Variants in SEMA5A observed in about 807,000 individuals in gnomAD.
SEMA5A encodes semaphorin-5A.
Under a neutral mutation model 135.5 loss-of-function variants are expected in SEMA5A, and 55 were observed. The ratio of observed to expected loss-of-function variants is 0.41; its 90% CI spans 0.33 to 0.51. SEMA5A has a LOEUF of 0.51. SEMA5A is among the 20% of genes least tolerant of loss of function. The pLI is 0.37. For synonymous variants in SEMA5A, 580 were observed against 546.5 expected (o/e 1.06, Z -0.85); for missense variants, 1,290 against 1,419.9 (o/e 0.91, Z 1.47).
At chr5:9,365,494 A>T (rs1185469565) in intron 3 of SEMA5A, among the ~76,000 whole-genome samples, 1 of 152,040 alleles carries the variant, frequency 6.6e-6, no homozygotes, top group East Asian at 1.9e-4. Flanking sequence ...TTGCATTCAG[A>T]TAGCTTTTTA....
At chr5:9,066,727 GAT>G in intron 16 of SEMA5A, 81 bp from the exon 17 acceptor site, 1 of 1,233,230 alleles carries the variant, frequency 8.1e-7, no homozygotes, top group Non-Finnish European at 1.2e-6. Context: ...TTTAGGGAAA[GAT>G]AAGGGTCTCT....
intron 8 of SEMA5A, among the ~76,000 whole-genome samples, chr5:9,205,025 C>T (rs973947027): frequency 6.6e-6 from 1 of 152,110 alleles, no homozygotes; most frequent in African/African-American, 2.4e-5. Flanking sequence ...ACTTATCTTC[C>T]ATGAAACTGG....
At chr5:9,172,237 AT>A (rs1028321999) in intron 11 of SEMA5A, among the ~76,000 whole-genome samples, 2 of 152,064 alleles carry the variant, frequency 1.3e-5, no homozygotes, top group Non-Finnish European at 2.9e-5. Flanking sequence ...GCCTAGAGAT[AT>A]TAAAAATGCC....
chr5:9,400,454 A>AAAATGT (rs1756603740), intron 2 of SEMA5A, among the ~76,000 whole-genome samples: 1 of 152,170 alleles, frequency 6.6e-6, no homozygotes, highest in Non-Finnish European at 1.5e-5. Flanking sequence ...GATCTAAAAA[A>AAAATGT]AAATGTAAAA....
intron 1 of SEMA5A, among the ~76,000 whole-genome samples, chr5:9,486,879 T>C (rs1277049802): frequency 6.6e-6 from 1 of 152,076 alleles, no homozygotes; most frequent in Non-Finnish European, 1.5e-5. Context: ...TAAAAGACAA[T>C]AGAGTCATCT....
rs201253805 is a variant in SEMA5A, at chr5:9,162,550, ATG to A, written c.1274-7857_1274-7856del. ...TGTATATATATGTATGTGTGTATAT[ATG>A]TGTGTGTGTGTGTATATATATATAT... On this transcript the variant is annotated intron_variant, in intron 11 of 22. Coordinates refer to ENST00000382496, the MANE Select transcript of SEMA5A (RefSeq NM_003966.3). Among the ~76,000 whole-genome samples, 14 of 51,692 alleles carry A rather than the reference ATG, an allele frequency of 2.7e-4. 1 individual carries two copies. Among genetic ancestry groups the A allele is most frequent in the South Asian group, 5.3e-4 (1 of 1,880 alleles). 33.9% of individuals were successfully genotyped at this position (51,692 alleles called of 152,430 possible). A position where few individuals can be genotyped will look rare whatever the true frequency, so the allele number is the denominator to read the frequency against.
At chr5:9,202,380 G>A (rs1054838023) in intron 8 of SEMA5A, 140 bp from the exon 9 acceptor site, 30 of 642,108 alleles carry the variant, frequency 4.7e-5, no homozygotes, top group Admixed American at 1.1e-4. Flanking sequence ...GGGAGGCCCC[G>A]TGAGCAGCTT....
At chr5:9,281,012 A>T (rs1204919028) in intron 5 of SEMA5A, among the ~76,000 whole-genome samples, 2 of 152,206 alleles carry the variant, frequency 1.3e-5, no homozygotes, top group Non-Finnish European at 2.9e-5. Flanking sequence ...TTTAAGCTTC[A>T]TAATAACCCT....
intron 1 of SEMA5A, among the ~76,000 whole-genome samples, chr5:9,520,792 C>T (rs975560145): frequency 6.6e-6 from 1 of 152,170 alleles, no homozygotes; most frequent in Admixed American, 6.5e-5. Context: ...CTGATCAGTC[C>T]TCCTGAAAAC....
At chr5:9,427,975 A>G (rs572219732) in intron 2 of SEMA5A, among the ~76,000 whole-genome samples, 21 of 151,860 alleles carry the variant, frequency 1.4e-4, no homozygotes, top group Non-Finnish European at 2.9e-4. Context: ...CTATTTATCT[A>G]TCTCTATATA....
intron 5 of SEMA5A, 97 bp downstream of exon 5, chr5:9,318,275 T>G: frequency 8.3e-7 from 1 of 1,207,784 alleles, no homozygotes; most frequent in East Asian, 2.4e-5. Flanking sequence ...CTGCTCAGGC[T>G]GGATTAACAC....
chr5:9,503,380 G>T (rs978169377), intron 1 of SEMA5A, among the ~76,000 whole-genome samples: 4 of 152,108 alleles, frequency 2.6e-5, no homozygotes, highest in Non-Finnish European at 5.9e-5. Context: ...GCAGGTTGCT[G>T]GGGAAAGCCT....
chr5:9,482,832 T>C (rs1320264062), intron 1 of SEMA5A, among the ~76,000 whole-genome samples: 1 of 152,206 alleles, frequency 6.6e-6, no homozygotes, highest in Non-Finnish European at 1.5e-5. Flanking sequence ...GCGATTTGTG[T>C]GTATGGGGCT....
At chr5:9,123,933 G>C (rs572994191) in intron 13 of SEMA5A, among the ~76,000 whole-genome samples, 1 of 152,236 alleles carries the variant, frequency 6.6e-6, no homozygotes, top group Admixed American at 6.5e-5. Context: ...ATGCTCACAA[G>C]GTCTGGGAAG....
chr5:9,194,566 T>G (rs775948629), intron 10 of SEMA5A, among the ~76,000 whole-genome samples: 2 of 152,230 alleles, frequency 1.3e-5, no homozygotes, highest in Non-Finnish European at 2.9e-5. Flanking sequence ...GATGGTTTCA[T>G]GAATGTCTGT....
At chr5:9,142,157 A>T (rs1174097916) in intron 12 of SEMA5A, among the ~76,000 whole-genome samples, 1 of 152,240 alleles carries the variant, frequency 6.6e-6, no homozygotes, top group East Asian at 1.9e-4. Context: ...CCAGTTGCAA[A>T]GGAAGAATTC....
At chr5:9,056,443 C>T (rs1011899133) in intron 18 of SEMA5A, among the ~76,000 whole-genome samples, 2 of 152,124 alleles carry the variant, frequency 1.3e-5, no homozygotes, top group African/African-American at 2.4e-5. Flanking sequence ...AAACAGAGGC[C>T]GGGCATGGTG....
intron 5 of SEMA5A, among the ~76,000 whole-genome samples, chr5:9,266,236 T>A (rs1217748246): frequency 2.6e-5 from 4 of 152,194 alleles, no homozygotes; most frequent in Admixed American, 2.6e-4. Context: ...GTTTGATATA[T>A]CAGATAACAC....
At chr5:9,165,776 G>A (rs924183756) in intron 11 of SEMA5A, among the ~76,000 whole-genome samples, 13 of 152,154 alleles carry the variant, frequency 8.5e-5, no homozygotes, top group African/African-American at 2.9e-4. Context: ...TCCACTCACT[G>A]GGCAGCTCGT....
Sources: gnomAD v4.1 joint callset for allele counts (sites outside exome capture counted in the v4.1 genomes callset) on GRCh38, gnomAD v4.1.1 for gene constraint, MANE v1.5 for transcripts, NCBI Gene and HGNC (gene_info 2026-07-23, HGNC 2026-07-21) for gene names.